The following WDR27 variants were observed in gnomAD, a reference collection of about 807,000 sequenced individuals.
WDR27 encodes the protein WD repeat domain 27.
A neutral mutation model predicts 114.4 loss-of-function variants in WDR27; 100 were observed. The ratio of observed to expected loss-of-function variants is 0.87; its 90% CI spans 0.74 to 1.03. WDR27 has a LOEUF of 1.03. WDR27 is among the 50% of genes least tolerant of loss of function. WDR27 has a pLI of 0.00. For synonymous variants in WDR27, 449 were observed against 423.1 expected (o/e 1.06, Z -0.75); for missense variants, 1,129 against 1,092.9 (o/e 1.03, Z -0.47).
At chr6:169,446,521 G>A in the WDR27 span, among the ~76,000 whole-genome samples, 15 of 152,206 alleles carry the variant, frequency 9.9e-5, no homozygotes, top group African/African-American at 3.4e-4. Flanking sequence ...GCACACCGGG[G>A]CAAACCACAG....
In WDR27 at chr6:169,661,262, G is replaced by A. The variant is rs545121194; in HGVS notation, c.1026-496C>T. On this transcript the variant is annotated intron_variant, in intron 9 of 25. Transcript: ENST00000448612. ...TGCCAGTGCCTGGGCCAAGGCCACT[G>A]CTCAGGTAGCCTCCGAGTGACTAGA... 2.0e-5 allele frequency among the ~76,000 whole-genome samples: 3 copies of A among 152,338 alleles called. No homozygotes were observed. In the East Asian group the frequency reaches 5.8e-4, roughly 29 times the overall value.
At chr6:169,656,798 AGT>A (rs1283973091) in intron 13 of WDR27, among the ~76,000 whole-genome samples, 1 of 152,190 alleles carries the variant, frequency 6.6e-6, no homozygotes, top group East Asian at 1.9e-4. Flanking sequence ...TCTCTGCTAT[AGT>A]GTCTTTTGCA....
At chr6:169,578,395 G>C (rs9396977) in intron 24 of WDR27, among the ~76,000 whole-genome samples, 14,248 of 152,180 alleles carry the variant, frequency 0.094, 1,729 homozygotes, top group East Asian at 0.58. Context: ...TTGCAAACAC[G>C]GCCTAGGTTT....
At position 169,490,970 on chromosome 6, in the gene WDR27, G is replaced by A. The variant is rs552349052; in HGVS notation, c.2646-33336C>T. 1.8e-4 allele frequency among the ~76,000 whole-genome samples: 28 copies of A among 152,176 alleles called. No individual in the cohort carries two copies. The South Asian group carries it at 5.4e-3, about 29-fold the overall frequency. Reference sequence around the variant, plus strand: ...TGCCACACCCTACTTTCAGCCATCCGTACACCACTCATCATCCACAAAAAA... The same window carrying A: ...TGCCACACCCTACTTTCAGCCATCCATACACCACTCATCATCCACAAAAAA... On this transcript the variant is annotated intron_variant, in intron 25 of 25. Coordinates refer to ENST00000448612, the MANE Select transcript of WDR27 (RefSeq NM_182552.5).
At chr6:169,523,689 A>G (rs966649554) in intron 25 of WDR27, among the ~76,000 whole-genome samples, 89 of 152,260 alleles carry the variant, frequency 5.8e-4, no homozygotes, top group African/African-American at 2.1e-3. Flanking sequence ...GATAAAAACT[A>G]TGTCATCATT....
At chr6:169,584,606 G>T (rs1804193717) in intron 23 of WDR27, among the ~76,000 whole-genome samples, 1 of 152,180 alleles carries the variant, frequency 6.6e-6, no homozygotes, top group African/African-American at 2.4e-5. Context: ...ATCCTTACAG[G>T]TATGAGGTGC....
chr6:169,580,936 TATATATATATATATATAC>T lies in WDR27; in HGVS notation c.2523+1882_2523+1899del, dbSNP rs1159599165. Among the ~76,000 whole-genome samples the T allele has an allele frequency of 2.3e-4, 10 of 42,578 alleles. 2 individuals are homozygous for T. The highest frequency in any genetic ancestry group is 1.3e-3 in the Admixed American group (4 of 3,070). The allele number at this position is 42,578 out of a possible 152,430, so 27.9% of individuals were successfully genotyped here. A position where few individuals can be genotyped will look rare whatever the true frequency, so the allele number is the denominator to read the frequency against. On this transcript the variant is annotated intron_variant, in intron 24 of 25. Transcript: ENST00000448612. ...AAAATAAGGAACTTAGTGAATTTTA[TATATATATATATATATAC>T]ATATATATATATATAAATTCGGTAT...
chr6:169,638,496 C>A (rs1472943044), intron 18 of WDR27, 43 bp downstream of exon 18: 3 of 1,603,532 alleles, frequency 1.9e-6, no homozygotes, highest in South Asian at 2.2e-5. Context: ...GCTCTCAGCT[C>A]CTTTGGAAAT....
intron 21 of WDR27, among the ~76,000 whole-genome samples, chr6:169,621,465 T>C (rs1276837781): frequency 6.7e-6 from 1 of 149,006 alleles, no homozygotes; most frequent in Non-Finnish European, 1.5e-5. Flanking sequence ...CACACACATA[T>C]ACATATGCAC....
chr6:169,516,835 A>ACACACC (rs1491176990), intron 25 of WDR27, among the ~76,000 whole-genome samples: 7 of 144,550 alleles, frequency 4.8e-5, no homozygotes, highest in African/African-American at 1.1e-4. Flanking sequence ...ACACACACAC[A>ACACACC]CCCCTCCCTT....
chr6:169,614,667 A>G (rs1245248055), intron 21 of WDR27, among the ~76,000 whole-genome samples: 4 of 151,930 alleles, frequency 2.6e-5, no homozygotes, highest in Non-Finnish European at 5.9e-5. Flanking sequence ...CAGCCTGGGC[A>G]ACAGAGTGAG....
chr6:169,634,330 C>T (rs963586734), intron 20 of WDR27, 98 bp downstream of exon 20: 16 of 828,594 alleles, frequency 1.9e-5, no homozygotes, highest in Non-Finnish European at 2.9e-5. Flanking sequence ...CGGAGCCCCA[C>T]ACAATGCCTG....
chr6:169,700,366 T>C (rs1171721974), intron 1 of WDR27, among the ~76,000 whole-genome samples: 2 of 152,228 alleles, frequency 1.3e-5, no homozygotes, highest in African/African-American at 2.4e-5. Flanking sequence ...AGCAGAGATC[T>C]GGTCACCAGA....
chr6:169,431,630 T>G, the WDR27 span, among the ~76,000 whole-genome samples: 1 of 152,234 alleles, frequency 6.6e-6, no homozygotes, highest in Non-Finnish European at 1.5e-5. Context: ...GTACTTTATC[T>G]TTAGGTTCAT....
intron 25 of WDR27, among the ~76,000 whole-genome samples, chr6:169,470,593 T>C (rs1157577432): frequency 1.3e-5 from 2 of 152,344 alleles, no homozygotes; most frequent in Non-Finnish European, 2.9e-5. Context: ...GCCTTCTCAC[T>C]GTGTCCTCAC....
rs1811162417 is a variant in WDR27, at chr6:169,613,737, C to T, written c.2224-81G>A. 5 of 1,236,824 alleles carry T rather than the reference C, an allele frequency of 4.0e-6. No individual in the cohort carries two copies. The South Asian group carries it at 5.7e-5, about 14-fold the overall frequency. The allele number at this position is 1,236,824 out of a possible 1,614,324, so 76.6% of individuals were successfully genotyped here. On this transcript the variant is annotated intron_variant, in intron 21 of 25. Coordinates refer to ENST00000448612, the MANE Select transcript of WDR27 (RefSeq NM_182552.5). ...TTATGCTAATGATATCTCATAATAG[C>T]TGATTCTCAAGTAAGATATTAACAC...
At chr6:169,596,352 T>C (rs1806790364) in intron 23 of WDR27, among the ~76,000 whole-genome samples, 1 of 152,048 alleles carries the variant, frequency 6.6e-6, no homozygotes, top group African/African-American at 2.4e-5. Context: ...TTTTCCCTAT[T>C]GTGCTCTCTG....
At chr6:169,535,847 AT>A (rs1457070071) in intron 25 of WDR27, among the ~76,000 whole-genome samples, 1 of 152,208 alleles carries the variant, frequency 6.6e-6, no homozygotes, top group African/African-American at 2.4e-5. Context: ...AAGAGCAATT[AT>A]TGTTTAGCTC....
At chr6:169,439,937 TATA>T in the WDR27 span, among the ~76,000 whole-genome samples, 3 of 151,156 alleles carry the variant, frequency 2.0e-5, no homozygotes, top group Non-Finnish European at 4.4e-5. Context: ...ATATTGGTAA[TATA>T]ATTATTTAAT....
Sources: gnomAD v4.1 joint callset for allele counts (sites outside exome capture counted in the v4.1 genomes callset) on GRCh38, gnomAD v4.1.1 for gene constraint, MANE v1.5 for transcripts, NCBI Gene and HGNC (gene_info 2026-07-23, HGNC 2026-07-21) for gene names.